The following IL1RAPL1 variants were observed in gnomAD, a reference collection of about 807,000 sequenced individuals.
The protein encoded by IL1RAPL1 is interleukin 1 receptor accessory protein like 1, also known as interleukin-1 receptor accessory protein-like 1.
A neutral mutation model predicts 48.4 loss-of-function variants in IL1RAPL1; 3 were observed. That is an observed-to-expected ratio of 0.06 (90% CI 0.03 to 0.16). The LOEUF is 0.16. IL1RAPL1 is among the 10% of genes least tolerant of loss of function. The probability of loss-of-function intolerance (pLI) is 1.00; values close to 1 mark genes in which losing one functional copy is unlikely to be tolerated. For synonymous variants in IL1RAPL1, 185 were observed against 187.7 expected (o/e 0.99, Z 0.12); for missense variants, 349 against 530.6 (o/e 0.66, Z 3.36).
chrX:29,852,092 A>G (rs1931381327), intron 6 of IL1RAPL1, among the ~76,000 whole-genome samples: 1 of 112,846 alleles, frequency 8.9e-6, no homozygotes. Flanking sequence ...ATGAAAACGT[A>G]AATGAATCTG....
intron 2 of IL1RAPL1, among the ~76,000 whole-genome samples, chrX:28,798,077 AC>A (rs1936634272): frequency 9.0e-6 from 1 of 111,030 alleles, no homozygotes; most frequent in African/African-American, 3.3e-5. Context: ...GGAAAGACCC[AC>A]CCCCATAATT....
intron 6 of IL1RAPL1, among the ~76,000 whole-genome samples, chrX:29,727,679 A>G (rs1439829538): frequency 1.8e-5 from 2 of 111,433 alleles, no homozygotes; most frequent in African/African-American, 3.3e-5. Flanking sequence ...TTTCTCCCTC[A>G]TGCGCTCATC....
intron 2 of IL1RAPL1, among the ~76,000 whole-genome samples, chrX:28,982,116 T>C (rs2097131127): frequency 8.9e-6 from 1 of 112,021 alleles, no homozygotes; most frequent in Admixed American, 9.5e-5. Context: ...CAAAATATGA[T>C]GAGAGAGCAA....
chrX:28,980,302 C>T (rs927096897), intron 2 of IL1RAPL1, among the ~76,000 whole-genome samples: 5 of 112,481 alleles, frequency 4.4e-5, no homozygotes, highest in African/African-American at 1.3e-4. Context: ...TCCAGCACAT[C>T]TTTACTGATT....
intron 2 of IL1RAPL1, among the ~76,000 whole-genome samples, chrX:29,252,346 C>A (rs1373034880): frequency 1.8e-5 from 2 of 113,185 alleles, no homozygotes; most frequent in African/African-American, 3.2e-5. Flanking sequence ...GTAGAGAAAG[C>A]TAATATGTTT....
chrX:28,897,684 C>G (rs1238882919), intron 2 of IL1RAPL1, among the ~76,000 whole-genome samples: 2 of 111,883 alleles, frequency 1.8e-5, no homozygotes, highest in South Asian at 3.8e-4. Flanking sequence ...GGAGTTCCCC[C>G]CTCCCCGATC....
chrX:28,696,362 T>A (rs970911006), intron 1 of IL1RAPL1, among the ~76,000 whole-genome samples: 2 of 111,544 alleles, frequency 1.8e-5, no homozygotes, highest in Non-Finnish European at 3.8e-5. Flanking sequence ...TCAATATTGG[T>A]GTTTCTGCAT....
intron 5 of IL1RAPL1, among the ~76,000 whole-genome samples, chrX:29,487,273 TCTAA>T (rs756154212): frequency 1.2e-4 from 13 of 112,161 alleles, no homozygotes; most frequent in African/African-American, 3.9e-4. Flanking sequence ...GTTATAATTC[TCTAA>T]CTATGAGCAA....
intron 2 of IL1RAPL1, among the ~76,000 whole-genome samples, chrX:29,189,849 C>T (rs754577632): frequency 1.8e-5 from 2 of 111,728 alleles, no homozygotes; most frequent in African/African-American, 6.5e-5. Flanking sequence ...ATACCACAAA[C>T]ACAAGGCATT....
Position 29,850,612 on chromosome X carries a change from G to T in IL1RAPL1, c.779-66852G>T, listed in dbSNP as rs181931435. ...GTAAGGCTCGGTGTGGGTGGCGACT[G>T]TGGAAAGCAGGGCAGGAATACATTG... On this transcript the variant is annotated intron_variant, in intron 6 of 10. Coordinates refer to ENST00000378993, the MANE Select transcript of IL1RAPL1 (RefSeq NM_014271.4). Among the ~76,000 whole-genome samples the T allele has an allele frequency of 5.3e-5, 6 of 112,592 alleles. No individual in the cohort carries two copies. The Admixed American group carries it at 5.6e-4, about 11-fold the overall frequency.
In IL1RAPL1 at chrX:29,855,877, C is replaced by T. The variant is rs376761138; in HGVS notation, c.779-61587C>T. Among the ~76,000 whole-genome samples the T allele has an allele frequency of 6.3e-5, 7 of 111,227 alleles. No homozygotes were observed. The South Asian group carries it at 1.5e-3, about 24-fold the overall frequency. On this transcript the variant is annotated intron_variant, in intron 6 of 10. Coordinates refer to ENST00000378993, the MANE Select transcript of IL1RAPL1 (RefSeq NM_014271.4). ...TTAACTGCTCAGAAAGTGGTAGCTA[C>T]TCTTACTGTCTCAGACAGTACCTGA... is the stretch of plus-strand genomic sequence containing the variant.
At chrX:29,489,303 C>A (rs374019778) in intron 5 of IL1RAPL1, among the ~76,000 whole-genome samples, 3 of 111,209 alleles carry the variant, frequency 2.7e-5, no homozygotes, top group African/African-American at 9.8e-5. Context: ...GTACATTATA[C>A]AATTTTTGTC....
At chrX:29,681,518 A>G (rs1345989785) in intron 6 of IL1RAPL1, among the ~76,000 whole-genome samples, 2 of 112,166 alleles carry the variant, frequency 1.8e-5, no homozygotes, top group Admixed American at 1.9e-4. Context: ...AGCTATGTCT[A>G]TTTTGTCATT....
At position 28,662,634 on chromosome X, in the gene IL1RAPL1, T is replaced by A. The variant is rs184512297; in HGVS notation, c.-25+74587T>A. ...CTTGTTTGTCTGGTTTGCTGGCTGA[T>A]TGGTTGGCTTTATTTAATTAATTTT... On this transcript the variant is annotated intron_variant, in intron 1 of 10. Coordinates refer to ENST00000378993, the MANE Select transcript of IL1RAPL1 (RefSeq NM_014271.4). Among the ~76,000 whole-genome samples the A allele has an allele frequency of 2.7e-5, 3 of 111,515 alleles. No homozygotes were observed. The Admixed American group carries it at 2.9e-4, about 11-fold the overall frequency.
intron 9 of IL1RAPL1, among the ~76,000 whole-genome samples, chrX:29,951,487 ACT>A (rs1569211336): frequency 9.0e-6 from 1 of 110,926 alleles, no homozygotes; most frequent in East Asian, 2.8e-4. Flanking sequence ...AAATTTGGTG[ACT>A]CTCTTCTCCA....
At chrX:29,025,354 A>T (rs774965441) in intron 2 of IL1RAPL1, among the ~76,000 whole-genome samples, 1 of 111,312 alleles carries the variant, frequency 9.0e-6, no homozygotes, top group African/African-American at 3.3e-5. Flanking sequence ...ATTATGTTTT[A>T]CTTGGAGGAC....
At chrX:28,841,732 T>C (rs938952795) in intron 2 of IL1RAPL1, among the ~76,000 whole-genome samples, 3 of 110,648 alleles carry the variant, frequency 2.7e-5, no homozygotes, top group Non-Finnish European at 5.7e-5. Flanking sequence ...TTTTTTTCTA[T>C]AACAAACAAA....
intron 6 of IL1RAPL1, among the ~76,000 whole-genome samples, chrX:29,817,825 G>A (rs185082651): frequency 9.0e-6 from 1 of 111,661 alleles, no homozygotes; most frequent in East Asian, 2.8e-4. Flanking sequence ...CTCTTCCTCT[G>A]CTCTGTAATT....
At chrX:28,622,832 C>T (rs1349916833) in intron 1 of IL1RAPL1, among the ~76,000 whole-genome samples, 1 of 111,600 alleles carries the variant, frequency 9.0e-6, no homozygotes, top group Non-Finnish European at 1.9e-5. Flanking sequence ...TATTTTGTCA[C>T]GTTTAATTTT....
Sources: gnomAD v4.1 joint callset for allele counts (sites outside exome capture counted in the v4.1 genomes callset) on GRCh38, gnomAD v4.1.1 for gene constraint, MANE v1.5 for transcripts, NCBI Gene and HGNC (gene_info 2026-07-23, HGNC 2026-07-21) for gene names.